The following SPSB4 variants were observed in gnomAD, a reference collection of about 807,000 sequenced individuals.
SPSB4 encodes SPRY domain-containing SOCS box protein 4.
SPSB4 carries 21 observed loss-of-function variants against 20.9 expected under a neutral mutation model. The ratio of observed to expected loss-of-function variants is 1.01; its 90% CI spans 0.71 to 1.45. The LOEUF (loss-of-function observed/expected upper bound fraction) is 1.45, where lower values mean the gene tolerates loss of function less well. Ranked by LOEUF, SPSB4 falls within the 40% of genes most tolerant of loss-of-function variation. SPSB4 has a pLI of 0.00. For missense variants in SPSB4, 399 were observed against 399.2 expected (o/e 1.00, Z 0.00); for synonymous variants, 207 against 183.8 (o/e 1.13, Z -1.02).
rs757163408 is a variant in SPSB4, at chr3:141,066,665, A to G, written c.561A>G (p.Thr187=). Residue 187 remains threonine (T), a synonymous_variant, in exon 2 of 3, where the codon ACA becomes ACG. Coordinates refer to ENST00000310546, the MANE Select transcript of SPSB4 (RefSeq NM_080862.3). ...TGGTGCTGGACATGGATGAGGGCAC[A>G]CTCAGCTTCATCGTGGATGGCCAGT... ...LLVVLDMDEG[T]LSFIVDGQYL... is the part of the protein sequence containing the mutation. 3 of 1,613,212 alleles carry G rather than the reference A, an allele frequency of 1.9e-6. No individual in the cohort carries two copies. The highest frequency in any genetic ancestry group is 8.5e-7 in the Non-Finnish European group (1 of 1,179,770).
chr3:141,141,183 C>G (rs138858203), intron 2 of SPSB4, among the ~76,000 whole-genome samples: 1 of 152,196 alleles, frequency 6.6e-6, no homozygotes, highest in African/African-American at 2.4e-5. Context: ...GTTGGAAGAG[C>G]GCAGTATTAG....
At chr3:141,068,939 G>T (rs1425603268) in intron 2 of SPSB4, among the ~76,000 whole-genome samples, 2 of 152,194 alleles carry the variant, frequency 1.3e-5, no homozygotes, top group Non-Finnish European at 2.9e-5. Context: ...TTTTAAGCTT[G>T]TGGGTCCTTC....
chr3:141,057,041 G>T lies in SPSB4; in HGVS notation c.-154+5049G>T, dbSNP rs921907500. Among the ~76,000 whole-genome samples, 6 of 152,240 alleles carry T rather than the reference G, an allele frequency of 3.9e-5. No individual in the cohort carries two copies. In the East Asian group the frequency reaches 1.2e-3, roughly 29 times the overall value. The stretch of plus-strand genomic sequence containing the variant: ...CATGGAAACCCCAGGAGGAGGAGAG[G>T]CTCAGGGAAGCCTCATTGATTCTCG... On this transcript the variant is annotated intron_variant, in intron 1 of 2. Transcript: ENST00000310546.
At chr3:141,137,031 A>G (rs1939240530) in intron 2 of SPSB4, among the ~76,000 whole-genome samples, 1 of 152,100 alleles carries the variant, frequency 6.6e-6, no homozygotes, top group Admixed American at 6.5e-5. Flanking sequence ...AGTGGTTTGT[A>G]GTTCTCCTTG....
At chr3:141,119,658 G>T (rs1008799979) in intron 2 of SPSB4, among the ~76,000 whole-genome samples, 3 of 151,960 alleles carry the variant, frequency 2.0e-5, no homozygotes, top group African/African-American at 7.2e-5. Flanking sequence ...ATTTATCCAG[G>T]AATTTATCCA....
intron 2 of SPSB4, among the ~76,000 whole-genome samples, chr3:141,080,989 T>G (rs1441946928): frequency 6.6e-6 from 1 of 152,174 alleles, no homozygotes; most frequent in Non-Finnish European, 1.5e-5. Context: ...TCAGCTCCTC[T>G]CTTTGTGCCT....
intron 2 of SPSB4, among the ~76,000 whole-genome samples, chr3:141,124,647 G>A (rs892467781): frequency 6.6e-6 from 1 of 152,196 alleles, no homozygotes; most frequent in Non-Finnish European, 1.5e-5. Flanking sequence ...AAGCACTTGG[G>A]GGTAGATTGG....
At chr3:141,086,845 T>G (rs1297196692) in intron 2 of SPSB4, among the ~76,000 whole-genome samples, 1 of 152,180 alleles carries the variant, frequency 6.6e-6, no homozygotes, top group Non-Finnish European at 1.5e-5. Flanking sequence ...GCAGGTGGTG[T>G]TAACATTCCT....
At position 141,087,246 on chromosome 3, in the gene SPSB4, G is replaced by A. The variant is rs149236635; in HGVS notation, c.694+20448G>A. ...TATGGCTGCAGTAGGTTGACTGGCC[G>A]GAAGGAGACCTCTAGGAGGCCTGGA... On this transcript the variant is annotated intron_variant, in intron 2 of 2. Coordinates refer to ENST00000310546, the MANE Select transcript of SPSB4 (RefSeq NM_080862.3). Among the ~76,000 whole-genome samples the A allele has an allele frequency of 1.8e-3, 270 of 152,316 alleles. 1 individual carries two copies. Among genetic ancestry groups the A allele is most frequent in the African/African-American group, 6.0e-3 (249 of 41,570 alleles).
At chr3:141,132,194 G>T in intron 2 of SPSB4, 1 of 429,598 alleles carries the variant, frequency 2.3e-6, no homozygotes, top group Non-Finnish European at 4.6e-6. Context: ...TTGAGATGGA[G>T]TCTCACTCGG....
At chr3:141,056,014 G>T (rs1248263439) in intron 1 of SPSB4, among the ~76,000 whole-genome samples, 1 of 152,236 alleles carries the variant, frequency 6.6e-6, no homozygotes, top group East Asian at 1.9e-4. Flanking sequence ...CATGGAGAGA[G>T]AGAGTGAAAA....
chr3:141,134,030 C>CTTTTTTTTTTTTTTTTTTTTTTTT (rs1207127072), intron 2 of SPSB4, among the ~76,000 whole-genome samples: 2 of 37,772 alleles, frequency 5.3e-5, no homozygotes, highest in Non-Finnish European at 1.1e-4. Context: ...TTTTTTTTTT[C>CTTTTTTTTTTTTTTTTTTTTTTTT]TTTTCTTTTT....
At chr3:141,081,021 G>A (rs1938219520) in intron 2 of SPSB4, among the ~76,000 whole-genome samples, 1 of 152,156 alleles carries the variant, frequency 6.6e-6, no homozygotes, top group South Asian at 2.1e-4. Context: ...CTGCAAGGAG[G>A]GGATTGGATA....
chr3:141,143,562 G>A (rs1165080897), intron 2 of SPSB4, among the ~76,000 whole-genome samples: 1 of 152,226 alleles, frequency 6.6e-6, no homozygotes. Flanking sequence ...TTTGGTTATA[G>A]ATGTTTAGTG....
chr3:141,077,262 C>T (rs1938133463), intron 2 of SPSB4: 1 of 152,216 alleles, frequency 6.6e-6, no homozygotes, highest in Non-Finnish European at 1.5e-5. Flanking sequence ...AAAATACTGC[C>T]GTGCAGGCTC....
intron 2 of SPSB4, among the ~76,000 whole-genome samples, chr3:141,144,683 C>T (rs996612902): frequency 2.0e-5 from 3 of 152,188 alleles, no homozygotes; most frequent in East Asian, 3.8e-4. Flanking sequence ...AACTCCTTTT[C>T]CTTCTTCCTT....
At chr3:141,115,135 G>A (rs1938863759) in intron 2 of SPSB4, 1 of 152,232 alleles carries the variant, frequency 6.6e-6, no homozygotes, top group Admixed American at 6.5e-5. Flanking sequence ...GGGTTTAAAA[G>A]CAGTTCTGGT....
At chr3:141,134,038 TTTTTTTTTTTCTTTTTTC>T (rs1939183010) in intron 2 of SPSB4, among the ~76,000 whole-genome samples, 6 of 65,768 alleles carry the variant, frequency 9.1e-5, no homozygotes, top group Non-Finnish European at 1.1e-4. Flanking sequence ...TTCTTTTCTT[TTTTTTTTTTTCTTTTTTC>T]TTTTTTTTTT....
intron 1 of SPSB4, among the ~76,000 whole-genome samples, chr3:141,057,842 A>G (rs1446514778): frequency 6.6e-6 from 1 of 152,240 alleles, no homozygotes; most frequent in Non-Finnish European, 1.5e-5. Context: ...TGCAGTCTAT[A>G]AAGGAATTCC....
Sources: gnomAD v4.1 joint callset for allele counts (sites outside exome capture counted in the v4.1 genomes callset) on GRCh38, gnomAD v4.1.1 for gene constraint, MANE v1.5 for transcripts, NCBI Gene and HGNC (gene_info 2026-07-23, HGNC 2026-07-21) for gene names.